MACROD2: variants seen among roughly 807,000 people sequenced by gnomAD.
MACROD2 encodes the protein ADP-ribose glycohydrolase MACROD2.
In MACROD2, 36 loss-of-function variants were observed where a neutral mutation model predicts 70.4. The observed-to-expected ratio is 0.51, with a 90% CI of 0.39 to 0.68. MACROD2 has a LOEUF of 0.68. Ranked by LOEUF, MACROD2 falls within the 30% of genes least tolerant of loss-of-function variation. MACROD2 has a pLI of 0.00. For missense variants in MACROD2, 496 were observed against 538.4 expected, an observed-to-expected ratio of 0.92 and a Z score of 0.78; for synonymous variants, 172 against 178.8, an observed-to-expected ratio of 0.96 and a Z score of 0.30.
At chr20:15,840,478 A>G (rs1170093254) in intron 8 of MACROD2, among the ~76,000 whole-genome samples, 1 of 152,194 alleles carries the variant, frequency 6.6e-6, no homozygotes, top group Non-Finnish European at 1.5e-5. Context: ...ATTGTTATCA[A>G]TTCACAAAAA....
intron 8 of MACROD2, among the ~76,000 whole-genome samples, chr20:15,674,791 CAG>C (rs1042184504): frequency 1.3e-5 from 2 of 151,012 alleles, no homozygotes; most frequent in Non-Finnish European, 2.9e-5. Flanking sequence ...TATGAGGTAT[CAG>C]GGATAAAAGA....
At chr20:15,506,314 C>A (rs1294588853) in intron 8 of MACROD2, among the ~76,000 whole-genome samples, 2 of 152,180 alleles carry the variant, frequency 1.3e-5, no homozygotes, top group Non-Finnish European at 2.9e-5. Flanking sequence ...AGAAGCTGAA[C>A]ATATTTCTCC....
intron 3 of MACROD2, among the ~76,000 whole-genome samples, chr20:14,275,584 G>C (rs1014384844): frequency 6.6e-6 from 1 of 151,536 alleles, no homozygotes; most frequent in African/African-American, 2.4e-5. Context: ...AGGACTTCAT[G>C]TCTAAAACAC....
intron 8 of MACROD2, among the ~76,000 whole-genome samples, chr20:15,649,122 C>G (rs2049601907): frequency 8.5e-6 from 1 of 117,562 alleles, no homozygotes; most frequent in Non-Finnish European, 1.7e-5. Flanking sequence ...CCTCCCCTCC[C>G]CTCCCTTCCC....
chr20:15,527,144 G>T (rs1411683577), intron 8 of MACROD2, among the ~76,000 whole-genome samples: 1 of 152,130 alleles, frequency 6.6e-6, no homozygotes, highest in East Asian at 1.9e-4. Flanking sequence ...ACCAGTGACT[G>T]CATGTGTTCC....
At chr20:15,187,470 C>T (rs1253806589) in intron 5 of MACROD2, among the ~76,000 whole-genome samples, 1 of 152,134 alleles carries the variant, frequency 6.6e-6, no homozygotes, top group East Asian at 1.9e-4. Flanking sequence ...TGTATGCACA[C>T]CCAGCATTTA....
At chr20:14,217,276 T>C (rs1005437714) in intron 3 of MACROD2, among the ~76,000 whole-genome samples, 14 of 152,242 alleles carry the variant, frequency 9.2e-5, no homozygotes, top group African/African-American at 3.4e-4. Flanking sequence ...ATGTGATTTT[T>C]GTTTTTATTT....
At chr20:14,412,132 T>G (rs186251339) in intron 3 of MACROD2, among the ~76,000 whole-genome samples, 1 of 152,304 alleles carries the variant, frequency 6.6e-6, no homozygotes, top group African/African-American at 2.4e-5. Context: ...TTGCAATTTC[T>G]CTGCCCGCAC....
At chr20:14,826,154 C>A (rs2072900316) in intron 5 of MACROD2, among the ~76,000 whole-genome samples, 1 of 151,824 alleles carries the variant, frequency 6.6e-6, no homozygotes, top group Non-Finnish European at 1.5e-5. Context: ...TTGAATATAT[C>A]ACTCTGCAAT....
At chr20:14,687,224 G>T (rs1568738968) in intron 5 of MACROD2, among the ~76,000 whole-genome samples, 1 of 152,040 alleles carries the variant, frequency 6.6e-6, no homozygotes, top group Non-Finnish European at 1.5e-5. Flanking sequence ...TTGATTCACT[G>T]TTTTCTTTTT....
At chr20:14,444,224 T>C (rs2084158429) in intron 3 of MACROD2, among the ~76,000 whole-genome samples, 1 of 152,082 alleles carries the variant, frequency 6.6e-6, no homozygotes. Context: ...GCCAGAGAGA[T>C]ACTTTGTCAG....
intron 8 of MACROD2, among the ~76,000 whole-genome samples, chr20:15,643,779 G>T (rs940508441): frequency 6.6e-6 from 1 of 152,150 alleles, no homozygotes; most frequent in African/African-American, 2.4e-5. Flanking sequence ...ACTTAGGTTT[G>T]GCTGCATGTG....
chr20:15,209,360 T>C lies in MACROD2; in HGVS notation c.419-20580T>C, dbSNP rs180842183. Among the ~76,000 whole-genome samples the C allele has an allele frequency of 2.1e-3, 315 of 152,238 alleles. 2 individuals are homozygous for C. The highest frequency in any genetic ancestry group is 7.4e-3 in the African/African-American group (308 of 41,536). On this transcript the variant is annotated intron_variant, in intron 5 of 17. Coordinates refer to ENST00000684519, the MANE Select transcript of MACROD2 (RefSeq NM_001351661.2). ...AGTTAGCAGGAGGAATAGGGAGAAG[T>C]CCATCTGTTCAATCCTAGTCCAGAG...
chr20:15,685,035 A>C (rs1392730778), intron 8 of MACROD2, among the ~76,000 whole-genome samples: 2 of 152,208 alleles, frequency 1.3e-5, no homozygotes, highest in Admixed American at 1.3e-4. Flanking sequence ...TTTTTAAAAT[A>C]AATCATAATA....
At chr20:14,930,724 A>G (rs1299264160) in intron 5 of MACROD2, among the ~76,000 whole-genome samples, 1 of 142,222 alleles carries the variant, frequency 7.0e-6, no homozygotes, top group East Asian at 2.2e-4. Context: ...ACTTCAGGCC[A>G]GGAGTTCAAG....
intron 8 of MACROD2, among the ~76,000 whole-genome samples, chr20:15,808,396 C>T (rs2063788463): frequency 6.6e-6 from 1 of 152,090 alleles, no homozygotes; most frequent in Non-Finnish European, 1.5e-5. Flanking sequence ...CCCATAAACC[C>T]ATATAATTAA....
intron 5 of MACROD2, among the ~76,000 whole-genome samples, chr20:15,117,530 TC>T (rs11478070): frequency 0.33 from 49,945 of 151,920 alleles, 8,848 homozygotes; most frequent in African/African-American, 0.45. Context: ...AAATGGACAA[TC>T]CTTGACTTTT....
At chr20:14,202,178 G>T (rs1210109338) in intron 3 of MACROD2, among the ~76,000 whole-genome samples, 2 of 152,106 alleles carry the variant, frequency 1.3e-5, no homozygotes, top group African/African-American at 4.8e-5. Context: ...AATTAATATA[G>T]ATATAATGAT....
chr20:14,769,126 T>C (rs539296183), intron 5 of MACROD2, among the ~76,000 whole-genome samples: 1 of 152,170 alleles, frequency 6.6e-6, no homozygotes, highest in African/African-American at 2.4e-5. Context: ...AGATATGTTT[T>C]CCCCCATCGG....
Sources: gnomAD v4.1 joint callset for allele counts (sites outside exome capture counted in the v4.1 genomes callset) on GRCh38, gnomAD v4.1.1 for gene constraint, MANE v1.5 for transcripts, NCBI Gene and HGNC (gene_info 2026-07-23, HGNC 2026-07-21) for gene names.